EPHB1: variants seen among roughly 807,000 people sequenced by gnomAD.
EPHB1 encodes the protein ephrin type-B receptor 1.
Under a neutral mutation model 94.4 loss-of-function variants are expected in EPHB1, and 30 were observed. That is an observed-to-expected ratio of 0.32 (90% CI 0.24 to 0.43). The LOEUF is 0.43. Ranked by LOEUF, EPHB1 falls within the 20% of genes least tolerant of loss-of-function variation. The pLI is 1.00. For missense variants in EPHB1, 1,055 were observed against 1,308.3 expected, an observed-to-expected ratio of 0.81 and a Z score of 2.99; for synonymous variants, 522 against 489.1, an observed-to-expected ratio of 1.07 and a Z score of -0.89.
intron 3 of EPHB1, among the ~76,000 whole-genome samples, chr3:135,031,043 G>C (rs1283123560): frequency 6.6e-6 from 1 of 152,170 alleles, no homozygotes; most frequent in Non-Finnish European, 1.5e-5. Context: ...CTGACCCCTT[G>C]CGCTTCCCGA....
chr3:135,205,358 C>T (rs1043198918), intron 12 of EPHB1, among the ~76,000 whole-genome samples: 2 of 152,116 alleles, frequency 1.3e-5, no homozygotes, highest in African/African-American at 2.4e-5. Flanking sequence ...CCTTTGCCTG[C>T]CATGTGTGAT....
chr3:134,851,390 T>C (rs1415702438), intron 1 of EPHB1, among the ~76,000 whole-genome samples: 1 of 152,132 alleles, frequency 6.6e-6, no homozygotes, highest in African/African-American at 2.4e-5. Context: ...CTCTCCTCTT[T>C]GCACTTCCCC....
intron 5 of EPHB1, among the ~76,000 whole-genome samples, chr3:135,147,257 A>G (rs1345680972): frequency 6.6e-6 from 1 of 152,196 alleles, no homozygotes; most frequent in Non-Finnish European, 1.5e-5. Context: ...TAGTTAGTCC[A>G]AGGATGATTT....
chr3:135,142,770 T>C (rs1469451580), intron 5 of EPHB1, among the ~76,000 whole-genome samples: 3 of 151,942 alleles, frequency 2.0e-5, no homozygotes, highest in East Asian at 1.9e-4. Flanking sequence ...AAGTGGACAT[T>C]GAACTCACAC....
chr3:135,217,487 G>A (rs1943180099), intron 12 of EPHB1, among the ~76,000 whole-genome samples: 1 of 151,896 alleles, frequency 6.6e-6, no homozygotes, highest in African/African-American at 2.4e-5. Flanking sequence ...GAGAGAGAGA[G>A]AGAGAGATGT....
intron 3 of EPHB1, among the ~76,000 whole-genome samples, chr3:135,054,204 T>C (rs2107773304): frequency 6.6e-6 from 1 of 152,076 alleles, no homozygotes; most frequent in East Asian, 1.9e-4. Context: ...CAAATTAAGT[T>C]ACAAAAAAGA....
At chr3:135,014,048 T>G (rs1268456073) in intron 3 of EPHB1, among the ~76,000 whole-genome samples, 1 of 152,036 alleles carries the variant, frequency 6.6e-6, no homozygotes, top group Non-Finnish European at 1.5e-5. Flanking sequence ...AGCTGGGTTA[T>G]TGGGAGGAGG....
At chr3:135,155,787 CAAAAAAAAAAAAA>C (rs35095229) in intron 6 of EPHB1, among the ~76,000 whole-genome samples, 17 of 59,464 alleles carry the variant, frequency 2.9e-4, no homozygotes, top group Admixed American at 1.8e-3. Flanking sequence ...AAGACTTTGT[CAAAAAAAAAAAAA>C]AAAAAAAAAA....
chr3:134,841,237 T>C (rs1010058522), intron 1 of EPHB1, among the ~76,000 whole-genome samples: 3 of 152,128 alleles, frequency 2.0e-5, no homozygotes, highest in African/African-American at 7.2e-5. Flanking sequence ...AGCCAGGACA[T>C]CTCTAGAGCC....
intron 1 of EPHB1, among the ~76,000 whole-genome samples, chr3:134,904,226 G>A (rs949190057): frequency 6.6e-6 from 1 of 152,214 alleles, no homozygotes; most frequent in Non-Finnish European, 1.5e-5. Flanking sequence ...GCTGGATTCT[G>A]CCCTCTGATT....
At chr3:134,823,556 C>A (rs903857000) in intron 1 of EPHB1, among the ~76,000 whole-genome samples, 1 of 152,188 alleles carries the variant, frequency 6.6e-6, no homozygotes, top group Non-Finnish European at 1.5e-5. Context: ...CCAAAGGCTA[C>A]GCACTATCAT....
chr3:135,073,072 G>GT (rs1005574436), intron 3 of EPHB1, among the ~76,000 whole-genome samples: 109 of 148,470 alleles, frequency 7.3e-4, no homozygotes, highest in Middle Eastern at 3.5e-3. Flanking sequence ...AGGCTCTCAG[G>GT]TTTTTTTTTT....
chr3:135,106,432 T>C lies in EPHB1; in HGVS notation c.806-16T>C, dbSNP rs1402215532. ...CACACTTCCATTAATTATCACATGGTCTCTTTGTGTTCTAGCTTGCCCTGC... is the reference window on the plus strand; with the variant it reads ...CACACTTCCATTAATTATCACATGGCCTCTTTGTGTTCTAGCTTGCCCTGC... On this transcript the variant is annotated splice_polypyrimidine_tract_variant and intron_variant, in intron 3 of 15. Coordinates refer to ENST00000398015, the MANE Select transcript of EPHB1 (RefSeq NM_004441.5). 6.2e-7 allele frequency: 1 copy of C among 1,613,660 alleles called. No homozygotes were observed. The highest frequency in any genetic ancestry group is 8.5e-7 in the Non-Finnish European group (1 of 1,179,748).
chr3:135,106,673 C>G, intron 4 of EPHB1, 70 bp downstream of exon 4: 1 of 1,578,298 alleles, frequency 6.3e-7, no homozygotes, highest in Non-Finnish European at 8.7e-7. Flanking sequence ...GGGTCTGGGG[C>G]AAGGAAGAGA....
chr3:135,257,099 A>T (rs1441840316), intron 15 of EPHB1, among the ~76,000 whole-genome samples: 1 of 148,312 alleles, frequency 6.7e-6, no homozygotes, highest in Non-Finnish European at 1.5e-5. Context: ...TGTATTGGTT[A>T]TTCTAGTTAT....
chr3:135,198,446 A>G (rs2107712034), intron 11 of EPHB1, among the ~76,000 whole-genome samples: 1 of 152,350 alleles, frequency 6.6e-6, no homozygotes, highest in Non-Finnish European at 1.5e-5. Context: ...TGCTACCAAC[A>G]TTTGTGACTA....
intron 1 of EPHB1, among the ~76,000 whole-genome samples, chr3:134,829,451 C>G (rs574811660): frequency 3.1e-4 from 47 of 152,252 alleles, no homozygotes; most frequent in African/African-American, 1.1e-3. Flanking sequence ...TTTTAGAACC[C>G]TGCGTCTCTG....
chr3:135,007,513 T>C (rs1935466242), intron 3 of EPHB1, among the ~76,000 whole-genome samples: 2 of 152,176 alleles, frequency 1.3e-5, no homozygotes, highest in East Asian at 1.9e-4. Context: ...GTGGCTTCCA[T>C]AACAATACAG....
At chr3:134,949,998 G>C (rs1932952745) in intron 2 of EPHB1, among the ~76,000 whole-genome samples, 1 of 152,138 alleles carries the variant, frequency 6.6e-6, no homozygotes. Context: ...TCTTCTAGAA[G>C]TTCTTAGGTG....
Sources: gnomAD v4.1 joint callset for allele counts (sites outside exome capture counted in the v4.1 genomes callset) on GRCh38, gnomAD v4.1.1 for gene constraint, MANE v1.5 for transcripts, NCBI Gene and HGNC (gene_info 2026-07-23, HGNC 2026-07-21) for gene names.